The following SPTAN1 variants were observed in gnomAD, a reference collection of about 807,000 sequenced individuals.
SPTAN1 encodes spectrin alpha, non-erythrocytic 1.
Under a neutral mutation model 331.3 loss-of-function variants are expected in SPTAN1, and 61 were observed. The observed-to-expected ratio is 0.18, with a 90% CI of 0.15 to 0.23. The LOEUF (loss-of-function observed/expected upper bound fraction) is 0.23. Among genes scored for constraint, SPTAN1 ranks in the 10% least tolerant of loss-of-function variants. The probability of loss-of-function intolerance (pLI) is 1.00; values close to 1 mark genes in which losing one functional copy is unlikely to be tolerated. For missense variants in SPTAN1, 2,043 were observed against 3,147.9 expected (o/e 0.65, Z 8.40); for synonymous variants, 1,153 against 1,173.9 (o/e 0.98, Z 0.36).
chr9:128,612,632 CAT>C (rs1169786361), intron 39 of SPTAN1, among the ~76,000 whole-genome samples: 2 of 152,164 alleles, frequency 1.3e-5, no homozygotes, highest in East Asian at 1.9e-4. Context: ...ACTATAAAAA[CAT>C]AGAGGTTTTG....
At chr9:128,593,288 C>T in intron 23 of SPTAN1, 1 of 570,340 alleles carries the variant, frequency 1.8e-6, no homozygotes, top group Non-Finnish European at 3.2e-6. Flanking sequence ...GTTGGTTCTC[C>T]CTCCTGTTGG....
At chr9:128,617,925 G>T in intron 42 of SPTAN1, 62 bp from the exon 43 acceptor site, 1 of 1,613,800 alleles carries the variant, frequency 6.2e-7, no homozygotes, top group Non-Finnish European at 8.5e-7. Context: ...TTTCCTGGGA[G>T]CTTCGAGACA....
rs1189279642 is a variant in SPTAN1 at position 128,612,070 on chromosome 9, A to G, written c.4906-39A>G. 5.6e-6 allele frequency: 9 copies of G among 1,614,028 alleles called. No homozygotes were observed. The East Asian group carries it at 1.8e-4, about 32-fold the overall frequency. The stretch of plus-strand genomic sequence containing the variant: ...AGCTTTAGGAGAGGGACGATTCTTC[A>G]TAGATTTCATCTCTTTTTGGCTCCC... On this transcript the variant is annotated intron_variant, in intron 38 of 56. Coordinates refer to ENST00000372739, the MANE Select transcript of SPTAN1 (RefSeq NM_001130438.3).
At chr9:128,624,859 C>T (rs1046627769) in intron 46 of SPTAN1, 27 of 594,512 alleles carry the variant, frequency 4.5e-5, no homozygotes, top group Admixed American at 1.4e-4. Context: ...TCGGGGTCCA[C>T]GTGTCCTGGG....
Position 128,556,477 on chromosome 9 carries a change from AG to A in SPTAN1, c.-4+3782del, listed in dbSNP as rs1225341630. Among the ~76,000 whole-genome samples the A allele has an allele frequency of 2.0e-5, 3 of 152,218 alleles. No individual in the cohort carries two copies. The East Asian group carries it at 5.8e-4, about 29-fold the overall frequency. ...ATAACCATTTCCTGTTTTGAGTCAT[AG>A]TAACAATAAGGAACTTAAATACCTC... On this transcript the variant is annotated intron_variant, in intron 1 of 56. Transcript: ENST00000372739.
intron 1 of SPTAN1, among the ~76,000 whole-genome samples, chr9:128,563,982 G>A (rs908615872): frequency 2.0e-5 from 3 of 152,048 alleles, no homozygotes; most frequent in Admixed American, 6.5e-5. Flanking sequence ...CTAGAAATCA[G>A]GGATACAGGA....
At position 128,625,056 on chromosome 9, in the gene SPTAN1, C is replaced by T. The variant is rs369543563; in HGVS notation, c.5993-47C>T. On this transcript the variant is annotated intron_variant, in intron 46 of 56. Coordinates refer to ENST00000372739, the MANE Select transcript of SPTAN1 (RefSeq NM_001130438.3). The surrounding 1 kb of genome is among the most constrained non-coding windows in gnomAD (Gnocchi z 4.1). ...GTTTTGATGTTTTTCCTTTCTAATC[C>T]ATCTCCACTGAGGAGGGCAGTATAT... 161 of 1,555,024 alleles carry T rather than the reference C, an allele frequency of 1.0e-4. No homozygotes were observed. The highest frequency in any genetic ancestry group is 1.9e-4 in the African/African-American group (14 of 73,740).
rs1589273344 is a variant in SPTAN1 at position 128,599,119 on chromosome 9, G to A, written c.3543+133G>A. The A allele has an allele frequency of 3.3e-6, 3 of 910,178 alleles. No homozygotes were observed. In the East Asian group the frequency reaches 7.3e-5, roughly 22 times the overall value. 56.4% of individuals were successfully genotyped at this position (910,178 alleles called of 1,614,324 possible). ...AGATGCCTTTTGTGTGTAAAGATTT[G>A]TGGAAAACTCCAAAAATTGATTTCT... On this transcript the variant is annotated intron_variant, in intron 26 of 56. Transcript: ENST00000372739.
At position 128,596,978 on chromosome 9, in the gene SPTAN1, G is replaced by A. The variant is rs139821848; in HGVS notation, c.3415-1422G>A. Reference sequence around the variant, plus strand: ...AGTTCGAGACTAGCCTGGCCAACATGGCAAAACCCCATCTCTGCTGAAAAT... The same window carrying A: ...AGTTCGAGACTAGCCTGGCCAACATAGCAAAACCCCATCTCTGCTGAAAAT... On this transcript the variant is annotated intron_variant, in intron 24 of 56. Transcript: ENST00000372739. Among the ~76,000 whole-genome samples the A allele has an allele frequency of 6.2e-3, 940 of 152,266 alleles. 8 individuals carry two copies. The highest frequency in any genetic ancestry group is 0.021 in the African/African-American group (866 of 41,568).
At chr9:128,579,371 A>C (rs1034434619) in intron 9 of SPTAN1, among the ~76,000 whole-genome samples, 14 of 152,282 alleles carry the variant, frequency 9.2e-5, no homozygotes, top group African/African-American at 3.4e-4. Flanking sequence ...AATGAAAGAG[A>C]GCTCAGACCC....
chr9:128,628,102 G>A (rs1301537079), intron 51 of SPTAN1, 160 bp downstream of exon 51: 1 of 935,678 alleles, frequency 1.1e-6, no homozygotes, highest in South Asian at 1.3e-5. Flanking sequence ...AGGAGTGTGT[G>A]CCTTGCCCCA....
rs536659221 is a variant in SPTAN1, at chr9:128,609,549, G to T, written c.4759-102G>T. 1.4e-4 allele frequency: 147 copies of T among 1,063,432 alleles called. No homozygotes were observed. In the East Asian group the frequency reaches 3.8e-3, roughly 28 times the overall value. 65.9% of individuals were successfully genotyped at this position (1,063,432 alleles called of 1,614,324 possible). On this transcript the variant is annotated intron_variant, in intron 36 of 56. Transcript: ENST00000372739. Reference sequence around the variant, plus strand: ...TTCTATTACTGTTCCCAAATGCTGAGCTTCCTGGGGGAAGTATGACAAAAT... The same window carrying T: ...TTCTATTACTGTTCCCAAATGCTGATCTTCCTGGGGGAAGTATGACAAAAT...
chr9:128,594,150 T>A, intron 23 of SPTAN1, 25 bp from the exon 24 acceptor site: 2 of 1,613,670 alleles, frequency 1.2e-6, no homozygotes, highest in Admixed American at 3.3e-5. Flanking sequence ...CTTGTCCCTC[T>A]TGTCACCCTC....
chr9:128,583,739 A>G, intron 15 of SPTAN1, 49 bp from the exon 16 acceptor site: 1 of 1,600,966 alleles, frequency 6.2e-7, no homozygotes, highest in Non-Finnish European at 8.6e-7. Flanking sequence ...CAGTGTTGGC[A>G]GAAGGGTAAT....
chr9:128,621,403 C>T (rs1232005313), intron 45 of SPTAN1, 147 bp downstream of exon 45: 7 of 723,298 alleles, frequency 9.7e-6, no homozygotes, highest in Admixed American at 2.0e-5. Flanking sequence ...TCCTGTGTTT[C>T]GTGACAAGTT....
At position 128,624,797 on chromosome 9, in the gene SPTAN1, C is replaced by T. The variant is rs890130270; in HGVS notation, c.5993-306C>T. The T allele has an allele frequency of 6.0e-5, 34 of 566,748 alleles. No homozygotes were observed. The African/African-American group carries it at 6.2e-4, about 10-fold the overall frequency. The allele number at this position is 566,748 out of a possible 1,614,324, so 35.1% of individuals were successfully genotyped here. Reference sequence around the variant, plus strand: ...CACAGCAAAGGCACCACTAGCTGCCCTGGTCAGGGGCGCCACCCAGCTCCT... The same window carrying T: ...CACAGCAAAGGCACCACTAGCTGCCTTGGTCAGGGGCGCCACCCAGCTCCT... On this transcript the variant is annotated intron_variant, in intron 46 of 56. Transcript: ENST00000372739.
In SPTAN1 at chr9:128,561,278, C is replaced by G. The variant is rs190643546; in HGVS notation, c.-3-5460C>G. Among the ~76,000 whole-genome samples the G allele has an allele frequency of 2.1e-3, 320 of 151,288 alleles. 2 individuals carry two copies. The highest frequency in any genetic ancestry group is 7.0e-3 in the African/African-American group (289 of 41,190). ...GTCCCAGCTACTCGGGAGGCTGAGG[C>G]AGGAGAATTGCTTGACCCTGGAGGC... On this transcript the variant is annotated intron_variant, in intron 1 of 56. Coordinates refer to ENST00000372739, the MANE Select transcript of SPTAN1 (RefSeq NM_001130438.3).
At chr9:128,586,112 G>GTTTT (rs35434571) in intron 19 of SPTAN1, 147 bp downstream of exon 19, 188 of 265,948 alleles carry the variant, frequency 7.1e-4, no homozygotes, top group East Asian at 3.9e-3. Context: ...TTTTCACTTG[G>GTTTT]TTTTTTTTTT....
chr9:128,631,165 A>G (rs1167778944), intron 52 of SPTAN1, among the ~76,000 whole-genome samples: 2 of 151,672 alleles, frequency 1.3e-5, no homozygotes, highest in African/African-American at 2.4e-5. Context: ...CACTTTAAAG[A>G]AAGTCTTTGG....
Sources: allele counts gnomAD v4.1 joint callset (sites outside exome capture counted in the v4.1 genomes callset), GRCh38; gene constraint gnomAD v4.1.1; non-coding constraint Gnocchi (gnomAD v3.1); transcripts MANE v1.5; gene names NCBI Gene and HGNC (gene_info 2026-07-23, HGNC 2026-07-21).